Variants in ATP8B4 observed in about 807,000 individuals in gnomAD.
ATP8B4 encodes the protein probable phospholipid-transporting ATPase IM.
In ATP8B4, 133 loss-of-function variants were observed where a neutral mutation model predicts 145.6. The observed-to-expected ratio is 0.91, with a 90% CI of 0.79 to 1.05. ATP8B4 has a LOEUF of 1.05. Ranked by LOEUF, ATP8B4 falls within the 50% of genes least tolerant of loss-of-function variation. The pLI, the probability that ATP8B4 is intolerant of heterozygous loss-of-function variation, is 0.00. For synonymous variants in ATP8B4, 507 were observed against 492.9 expected (o/e 1.03, Z -0.38); for missense variants, 1,458 against 1,425.2 (o/e 1.02, Z -0.37).
At chr15:50,062,058 C>T (rs114729537) in intron 3 of ATP8B4, among the ~76,000 whole-genome samples, 1,696 of 152,222 alleles carry the variant, frequency 0.011, 39 homozygotes, top group African/African-American at 0.039. Context: ...AGACCTTATA[C>T]GTTTTTAAGT....
intron 3 of ATP8B4, among the ~76,000 whole-genome samples, chr15:50,066,767 C>T (rs1265936075): frequency 6.6e-6 from 1 of 152,096 alleles, no homozygotes; most frequent in African/African-American, 2.4e-5. Context: ...TTAGCTCTAC[C>T]CCACCCCCTC....
At chr15:50,018,208 G>A (rs573451297) in intron 6 of ATP8B4, among the ~76,000 whole-genome samples, 18 of 152,164 alleles carry the variant, frequency 1.2e-4, no homozygotes, top group African/African-American at 3.6e-4. Flanking sequence ...GGCTGGTCTT[G>A]AACTCCTGGC....
At chr15:49,972,382 C>T (rs1205986562) in intron 13 of ATP8B4, among the ~76,000 whole-genome samples, 200 bp downstream of exon 13, 2 of 152,130 alleles carry the variant, frequency 1.3e-5, no homozygotes, top group Non-Finnish European at 2.9e-5. Flanking sequence ...ATCTAAATTA[C>T]TCAACATTTA....
At chr15:50,025,228 T>C (rs1209859215) in intron 6 of ATP8B4, among the ~76,000 whole-genome samples, 1 of 152,196 alleles carries the variant, frequency 6.6e-6, no homozygotes, top group Non-Finnish European at 1.5e-5. Context: ...TCTTGACCCC[T>C]CTGCATTAGC....
chr15:49,904,083 T>C (rs1365536028), intron 20 of ATP8B4, among the ~76,000 whole-genome samples: 1 of 152,150 alleles, frequency 6.6e-6, no homozygotes, highest in Non-Finnish European at 1.5e-5. Context: ...AGCCACTTGA[T>C]TAGCCAGCGA....
At chr15:49,916,577 A>G (rs2039761162) in intron 20 of ATP8B4, among the ~76,000 whole-genome samples, 1 of 152,176 alleles carries the variant, frequency 6.6e-6, no homozygotes, top group South Asian at 2.1e-4. Flanking sequence ...AAGCTAGGGC[A>G]TTGGTATTTT....
rs1352469899 is a variant in ATP8B4, at chr15:50,173,030, G to A, written c.-43+9231C>T. 4.0e-5 allele frequency among the ~76,000 whole-genome samples: 5 copies of A among 124,132 alleles called. No homozygotes were observed. The East Asian group carries it at 1.0e-3, about 26-fold the overall frequency. The allele number at this position is 124,132 out of a possible 152,430, so 81.4% of individuals were successfully genotyped here. On this transcript the variant is annotated intron_variant, in intron 1 of 3. Transcript: ENST00000558829. ...GAGGTGGGGGGCAGCCCCCATCCGG[G>A]AGGTGGGGGCAGCCTCCGCCCGGCC... is the stretch of plus-strand genomic sequence containing the variant.
chr15:49,897,399 AC>A lies in ATP8B4; in HGVS notation c.2589del (p.Arg863SerfsTer58), dbSNP rs2037519382. 1 of 1,613,826 alleles carries A rather than the reference AC, an allele frequency of 6.2e-7. No homozygotes were observed. The highest frequency in any genetic ancestry group is 1.1e-5 in the South Asian group (1 of 91,072). On this transcript the variant is annotated frameshift_variant, in exon 23 of 28. Coordinates refer to ENST00000284509, the MANE Select transcript of ATP8B4 (RefSeq NM_024837.4). LOFTEE classifies it high-confidence loss of function. The stretch of plus-strand genomic sequence containing the variant: ...AATTTGCACATTCGGAAATAAGACC[AC>A]CTTCCATGAACAAGGAGAAGCCTTT... ...YLQRLLLVHG[R>X]WSYFRMCKFL...
intron 20 of ATP8B4, among the ~76,000 whole-genome samples, chr15:49,906,345 T>A (rs1177602322): frequency 3.3e-5 from 5 of 152,040 alleles, no homozygotes; most frequent in African/African-American, 1.2e-4. Context: ...CTCTAGGGAG[T>A]TTCTATCAAC....
intron 1 of ATP8B4, among the ~76,000 whole-genome samples, chr15:50,146,014 C>CCTT (rs1555497347): frequency 7.5e-6 from 1 of 133,466 alleles, no homozygotes; most frequent in African/African-American, 2.8e-5. Flanking sequence ...TAAATGTTTA[C>CCTT]TTTTTTTTTT....
intron 1 of ATP8B4, among the ~76,000 whole-genome samples, chr15:50,173,101 G>A (rs1408872397): frequency 2.9e-5 from 4 of 139,940 alleles, no homozygotes; most frequent in East Asian, 4.6e-4. Flanking sequence ...CCCAGCCGCC[G>A]CCCCGTCTGG....
At chr15:50,156,056 TAATAAATA>T (rs1275840712) in intron 1 of ATP8B4, among the ~76,000 whole-genome samples, 1 of 86,036 alleles carries the variant, frequency 1.2e-5, no homozygotes, top group Non-Finnish European at 2.4e-5. Flanking sequence ...GAATTCTTGG[TAATAAATA>T]AATAAATAAA....
chr15:50,022,544 T>C (rs928665218), intron 6 of ATP8B4, among the ~76,000 whole-genome samples: 3 of 152,210 alleles, frequency 2.0e-5, no homozygotes, highest in Admixed American at 6.5e-5. Context: ...GCTGGGACAA[T>C]AAATCAAATG....
At chr15:50,157,274 A>G (rs557388692) in intron 1 of ATP8B4, among the ~76,000 whole-genome samples, 1 of 152,282 alleles carries the variant, frequency 6.6e-6, no homozygotes, top group East Asian at 1.9e-4. Context: ...ACCAAACCAA[A>G]TCCCAAATAA....
chr15:49,861,460 A>G (rs1023093025), intron 27 of ATP8B4, among the ~76,000 whole-genome samples: 7 of 148,820 alleles, frequency 4.7e-5, no homozygotes, highest in African/African-American at 7.5e-5. Context: ...CTGTCTATCT[A>G]TCTATCTATC....
chr15:50,139,830 A>T (rs1025066580), intron 1 of ATP8B4, among the ~76,000 whole-genome samples: 30 of 152,206 alleles, frequency 2.0e-4, no homozygotes, highest in African/African-American at 7.0e-4. Context: ...TTTGTTAGAG[A>T]TCACATTTTC....
chr15:50,079,144 T>C (rs548400740), intron 2 of ATP8B4, among the ~76,000 whole-genome samples: 1 of 152,318 alleles, frequency 6.6e-6, no homozygotes, highest in African/African-American at 2.4e-5. Context: ...TTACATGACA[T>C]GATTATTATA....
At position 49,934,005 on chromosome 15, in the gene ATP8B4, C is replaced by A; in HGVS notation, c.1453+12G>T. ...AACAAGGTTCACCACTCAGACATAA[C>A]TTTTCACTTACCTGCGCTATTCTCT... is the stretch of plus-strand genomic sequence containing the variant. On this transcript the variant is annotated intron_variant, in intron 15 of 27. Transcript: ENST00000284509. 6.5e-7 allele frequency: 1 copy of A among 1,541,064 alleles called. No homozygotes were observed. Among genetic ancestry groups the A allele is most frequent in the Non-Finnish European group, 8.7e-7 (1 of 1,143,964 alleles).
At chr15:50,141,813 C>A (rs80266092) in intron 1 of ATP8B4, among the ~76,000 whole-genome samples, 9,346 of 152,248 alleles carry the variant, frequency 0.061, 411 homozygotes, top group Middle Eastern at 0.096. Flanking sequence ...TTCCTTTCCT[C>A]AACCACACTA....
Sources: allele counts gnomAD v4.1 joint callset (sites outside exome capture counted in the v4.1 genomes callset), GRCh38; gene constraint gnomAD v4.1.1; transcripts MANE v1.5; gene names NCBI Gene and HGNC (gene_info 2026-07-23, HGNC 2026-07-21).